The following SYTL2 variants were observed in gnomAD, a reference collection of about 807,000 sequenced individuals.
SYTL2 encodes the protein synaptotagmin-like protein 2.
In SYTL2, 165 loss-of-function variants were observed where a neutral mutation model predicts 198.7. The observed-to-expected ratio is 0.83, with a 90% CI of 0.73 to 0.94. The LOEUF (loss-of-function observed/expected upper bound fraction) is 0.94. Ranked by LOEUF, SYTL2 falls within the 40% of genes least tolerant of loss-of-function variation. The pLI, the probability that SYTL2 is intolerant of heterozygous loss-of-function variation, is 0.00. For synonymous variants in SYTL2, 966 were observed against 917.7 expected (o/e 1.05, Z -0.95); for missense variants, 2,835 against 2,582.8 (o/e 1.10, Z -2.12).
intron 1 of SYTL2, among the ~76,000 whole-genome samples, chr11:85,790,313 C>G (rs527797056): frequency 6.6e-6 from 1 of 152,080 alleles, no homozygotes; most frequent in Non-Finnish European, 1.5e-5. Flanking sequence ...AGCAATTTCA[C>G]TTGGTTCAAC....
intron 7 of SYTL2, among the ~76,000 whole-genome samples, chr11:85,730,496 A>G (rs942138164): frequency 6.6e-6 from 1 of 152,182 alleles, no homozygotes; most frequent in African/African-American, 2.4e-5. Flanking sequence ...CAAAAACCAC[A>G]TGATTATCTC....
In SYTL2 at chr11:85,776,207, A is replaced by C. The variant is rs549151834; in HGVS notation, c.-389-18093T>G. ...GGAAGCAGCTGAAGGTCCTCACCAG[A>C]TATAGATGCCCAATCTTGAACTTCC... On this transcript the variant is annotated intron_variant, in intron 1 of 19. Transcript: ENST00000359152. 2.0e-5 allele frequency among the ~76,000 whole-genome samples: 3 copies of C among 152,312 alleles called. No individual in the cohort carries two copies. In the East Asian group the frequency reaches 5.8e-4, roughly 29 times the overall value.
At chr11:85,798,941 G>T (rs962726177) in intron 1 of SYTL2, among the ~76,000 whole-genome samples, 2 of 152,188 alleles carry the variant, frequency 1.3e-5, no homozygotes, top group Non-Finnish European at 2.9e-5. Flanking sequence ...AGATTTGTGG[G>T]AATCCTCCTG....
chr11:85,767,511 T>C (rs115996606), intron 1 of SYTL2, among the ~76,000 whole-genome samples: 1 of 152,178 alleles, frequency 6.6e-6, no homozygotes, highest in African/African-American at 2.4e-5. Context: ...CTCAGGATCA[T>C]AAAGTTAACT....
intron 1 of SYTL2, among the ~76,000 whole-genome samples, chr11:85,789,384 A>G (rs1274811263): frequency 5.8e-5 from 5 of 86,514 alleles, no homozygotes; most frequent in South Asian, 4.4e-4. Flanking sequence ...ATATGTATAT[A>G]TATATATATA....
the SYTL2 span, among the ~76,000 whole-genome samples, chr11:85,821,123 T>A: frequency 6.6e-6 from 1 of 152,228 alleles, no homozygotes; most frequent in Non-Finnish European, 1.5e-5. Context: ...ATGAATAATA[T>A]CCATACTAGT....
At chr11:85,805,724 A>G (rs2092950310) in intron 1 of SYTL2, among the ~76,000 whole-genome samples, 1 of 152,224 alleles carries the variant, frequency 6.6e-6, no homozygotes, top group Non-Finnish European at 1.5e-5. Flanking sequence ...GGAAAAAAAG[A>G]AACTTATATT....
At chr11:85,819,396 T>C in the SYTL2 span, among the ~76,000 whole-genome samples, 1 of 152,240 alleles carries the variant, frequency 6.6e-6, no homozygotes, top group African/African-American at 2.4e-5. Flanking sequence ...GATGGTTCTG[T>C]TGCCGCACTC....
rs752672017 is a variant in SYTL2 at position 85,720,913 on chromosome 11, A to C, written c.5373T>G (p.Ser1791Arg). Residue 1791 changes from serine to arginine, a missense_variant, in exon 9 of 20, where the codon AGT becomes AGG. By Grantham distance (110) the Ser-to-Arg change is moderately radical (BLOSUM62 -1). This residue lies in a region of SYTL2 where 2,645 missense variants were observed against 2,381.7 expected (regional missense o/e 1.11). Coordinates refer to ENST00000359152, the MANE Select transcript of SYTL2 (RefSeq NM_206927.4). ...TTTTGGAAGGCATTTTCCTAGCGGC[A>C]CTCCTTTCCAAAGTTTTCAAAACAG... ...PSPVLKTLER[S>R]AARKMPSKSL... The C allele has an allele frequency of 1.9e-6, 3 of 1,613,420 alleles. No homozygotes were observed. Among genetic ancestry groups the C allele is most frequent in the Admixed American group, 3.3e-5 (2 of 59,958 alleles).
At chr11:85,833,094 A>C in the SYTL2 span, among the ~76,000 whole-genome samples, 2 of 34,388 alleles carry the variant, frequency 5.8e-5, 1 homozygote, top group African/African-American at 1.8e-4. Context: ...AAAGAAAGAA[A>C]GAAAGAAGGA....
At chr11:85,833,099 G>GAAAGA in the SYTL2 span, among the ~76,000 whole-genome samples, 2 of 38,898 alleles carry the variant, frequency 5.1e-5, no homozygotes, top group Non-Finnish European at 1.1e-4. Flanking sequence ...AAGAAAGAAA[G>GAAAGA]AAGGAAGGAA....
chr11:85,774,731 A>C (rs906832991), intron 1 of SYTL2, among the ~76,000 whole-genome samples: 1 of 152,262 alleles, frequency 6.6e-6, no homozygotes, highest in African/African-American at 2.4e-5. Flanking sequence ...ACCCTCATGA[A>C]CAACAAAAAT....
intron 1 of SYTL2, among the ~76,000 whole-genome samples, chr11:85,804,615 G>C (rs1441074311): frequency 2.0e-5 from 3 of 152,066 alleles, no homozygotes; most frequent in Non-Finnish European, 4.4e-5. Context: ...ATACTGCCTG[G>C]TACATAGTAA....
chr11:85,753,838 A>C (rs1001127982), intron 2 of SYTL2, among the ~76,000 whole-genome samples: 2 of 151,504 alleles, frequency 1.3e-5, no homozygotes, highest in African/African-American at 2.4e-5. Context: ...ATCTTGAATG[A>C]GCTTGGCTGT....
Position 85,707,474 on chromosome 11 carries a change from G to A in SYTL2, c.5973C>T (p.Leu1991=), listed in dbSNP as rs780250597. The A allele has an allele frequency of 9.3e-6, 15 of 1,613,804 alleles. No individual in the cohort carries two copies. The highest frequency in any genetic ancestry group is 1.1e-5 in the Non-Finnish European group (13 of 1,179,912). The change falls in exon 15 of 20, where the codon CTC becomes CTT. Residue 1991 remains leucine (L), a synonymous_variant. Transcript: ENST00000359152. The stretch of plus-strand genomic sequence containing the variant: ...CAGGATTCAAGGTTTTCTTCACTAC[G>A]AGTGTTTTCTTCTTGCCCATTTTGC... The part of the protein sequence containing the change: ...DKGKMGKKKT[L]VVKKTLNPVY...
intron 5 of SYTL2, among the ~76,000 whole-genome samples, 195 bp downstream of exon 5, chr11:85,737,380 A>G (rs914331389): frequency 6.6e-6 from 1 of 152,194 alleles, no homozygotes; most frequent in African/African-American, 2.4e-5. Context: ...ATGCAATGAC[A>G]TGGTATCCAT....
At chr11:85,849,527 G>C in the SYTL2 span, among the ~76,000 whole-genome samples, 1 of 152,150 alleles carries the variant, frequency 6.6e-6, no homozygotes, top group Non-Finnish European at 1.5e-5. Flanking sequence ...AGTTTTCCCA[G>C]CACCATTAAA....
chr11:85,816,459 G>A, the SYTL2 span, among the ~76,000 whole-genome samples: 1 of 152,230 alleles, frequency 6.6e-6, no homozygotes, highest in Non-Finnish European at 1.5e-5. Context: ...AAGTAGAATA[G>A]TTGTTACCAG....
chr11:85,699,070 C>T (rs1025418678), intron 17 of SYTL2, among the ~76,000 whole-genome samples: 4 of 152,144 alleles, frequency 2.6e-5, no homozygotes, highest in African/African-American at 9.7e-5. Flanking sequence ...CTAGGAACAT[C>T]ATTAGATATA....
Sources: allele counts gnomAD v4.1 joint callset (sites outside exome capture counted in the v4.1 genomes callset), GRCh38; gene constraint gnomAD v4.1.1; regional missense constraint gnomAD v4.1.1; transcripts MANE v1.5; gene names NCBI Gene and HGNC (gene_info 2026-07-23, HGNC 2026-07-21).